ZFP3: variants seen among roughly 807,000 people sequenced by gnomAD.
ZFP3 encodes zinc finger protein 3 homolog.
Under a neutral mutation model 36.7 loss-of-function variants are expected in ZFP3, and 18 were observed. That is an observed-to-expected ratio of 0.49 (90% CI 0.34 to 0.73). The LOEUF (loss-of-function observed/expected upper bound fraction) is 0.73, where lower values mean the gene tolerates loss of function less well. ZFP3 is among the 30% of genes least tolerant of loss of function. ZFP3 has a pLI of 0.01. For synonymous variants in ZFP3, 218 were observed against 199.0 expected (o/e 1.10, Z -0.81); for missense variants, 495 against 599.0 (o/e 0.83, Z 1.81).
chr17:5,079,742 G>C (rs1369567312), intron 1 of ZFP3, among the ~76,000 whole-genome samples: 1 of 151,658 alleles, frequency 6.6e-6, no homozygotes, highest in African/African-American at 2.4e-5. Flanking sequence ...GGTCAGGGAA[G>C]AAAATGGAGG....
rs909665697 is a variant in ZFP3, at chr17:5,086,366, C to T, written c.-8-5131C>T. ...GGCAGAGAGAAGGGGAGTCCAAAGT[C>T]GCCCCCAAATCTCCACCTTTCCCCT... On this transcript the variant is annotated intron_variant, in intron 1 of 1. Transcript: ENST00000318833. Among the ~76,000 whole-genome samples the T allele has an allele frequency of 2.0e-4, 30 of 152,246 alleles. No homozygotes were observed. The South Asian group carries it at 2.5e-3, about 13-fold the overall frequency.
At chr17:5,085,268 ACTC>A (rs2072114944) in intron 1 of ZFP3, among the ~76,000 whole-genome samples, 1 of 151,378 alleles carries the variant, frequency 6.6e-6, no homozygotes, top group East Asian at 1.9e-4. Context: ...CTGGTCTCGA[ACTC>A]CTGACCTCAG....
At chr17:5,081,303 G>A (rs143202192) in intron 1 of ZFP3, among the ~76,000 whole-genome samples, 173 of 151,878 alleles carry the variant, frequency 1.1e-3, no homozygotes, top group African/African-American at 4.0e-3. Context: ...CGTGTTAGCC[G>A]TGATGTCTGT....
Position 5,093,664 on chromosome 17 carries a change from A to G in ZFP3, c.*651A>G, listed in dbSNP as rs570170681. On this transcript the variant is annotated 3_prime_UTR_variant, in exon 2 of 2. Transcript: ENST00000318833. The stretch of plus-strand genomic sequence containing the variant: ...ATTTAGTAAGCTGTTATTAGCTTCA[A>G]AGTCGTCCAGCCCTGCTATGAAGTT... 49 of 167,246 alleles carry G rather than the reference A, an allele frequency of 2.9e-4. No individual in the cohort carries two copies. The highest frequency in any genetic ancestry group is 1.1e-3 in the African/African-American group (46 of 41,580). The allele number at this position is 167,246 out of a possible 1,614,324, so 10.4% of individuals were successfully genotyped here. A position where few individuals can be genotyped will look rare whatever the true frequency, so the allele number is the denominator to read the frequency against.
rs767525629 is a variant in ZFP3, at chr17:5,091,656, CGA to C, written c.158_159del (p.Glu53ValfsTer24). The C allele has an allele frequency of 8.1e-6, 13 of 1,614,148 alleles. No homozygotes were observed. Among genetic ancestry groups the C allele is most frequent in the Non-Finnish European group, 1.1e-5 (13 of 1,180,032 alleles). ...GAAGAAGACATGTTGGAGGGACATT[CGA>C]GAGAGTCCATGGAAGAGGTTATAGA... On this transcript the variant is annotated frameshift_variant, in exon 2 of 2. Transcript: ENST00000318833. LOFTEE classifies it high-confidence loss of function.
At position 5,091,814 on chromosome 17, in the gene ZFP3, C is replaced by T. The variant is rs144756245; in HGVS notation, c.310C>T (p.His104Tyr). 2.5e-5 allele frequency: 40 copies of T among 1,614,102 alleles called. No homozygotes were observed. The highest frequency in any genetic ancestry group is 3.2e-5 in the Non-Finnish European group (38 of 1,180,060). ...GCSPSPNLVT[H>Y]QGDTTEGVSA... ...CAGTCCCAGCCCAAATCTGGTTACA[C>T]ATCAGGGAGATACAACAGAGGGAGT... Residue 104 changes from histidine (H) to tyrosine (Y), a missense_variant, in exon 2 of 2, where the codon CAT becomes TAT. Physicochemically the swap from His to Tyr is moderately conservative, Grantham distance 83. Coordinates refer to ENST00000318833, the MANE Select transcript of ZFP3 (RefSeq NM_153018.3).
chr17:5,092,764 C>T lies in ZFP3; in HGVS notation c.1260C>T (p.Pro420=). Residue 420 remains proline, a synonymous_variant, in exon 2 of 2, where the codon CCC becomes CCT. Coordinates refer to ENST00000318833, the MANE Select transcript of ZFP3 (RefSeq NM_153018.3). This position sits in a 1 kb window ranked among gnomAD's most constrained non-coding sequence, Gnocchi z 5.0. ...AGAGAATTCATACTGGAGAGAAACC[C>T]CATCAATGTAATGAGTGTGCAAGAA... The part of the protein sequence containing the change: ...VHQRIHTGEK[P]HQCNECARTF... 1 of 1,614,006 alleles carries T rather than the reference C, an allele frequency of 6.2e-7. No homozygotes were observed.
At chr17:5,087,417 G>A (rs1214822536) in intron 1 of ZFP3, among the ~76,000 whole-genome samples, 1 of 152,130 alleles carries the variant, frequency 6.6e-6, no homozygotes, top group South Asian at 2.1e-4. Context: ...CAATGCCTAA[G>A]TGACTTCTGT....
At chr17:5,090,491 T>C (rs1374854469) in intron 1 of ZFP3, among the ~76,000 whole-genome samples, 1 of 152,232 alleles carries the variant, frequency 6.6e-6, no homozygotes, top group Non-Finnish European at 1.5e-5. Context: ...CCAAAGGCGG[T>C]ACTTCTGTGC....
rs1319015783 is a variant in ZFP3 at position 5,095,790 on chromosome 17, C to G, written c.*2777C>G. 6.0e-6 allele frequency: 1 copy of G among 165,824 alleles called. No homozygotes were observed. Among genetic ancestry groups the G allele is most frequent in the East Asian group, 1.9e-4 (1 of 5,184 alleles). 10.3% of individuals were successfully genotyped at this position (165,824 alleles called of 1,614,324 possible). ...GCCTCCCCTGGCCCTAGCTCAATTA[C>G]CCTCTTAAACCCATTCCTGCTCAGC... is the stretch of plus-strand genomic sequence containing the variant. On this transcript the variant is annotated 3_prime_UTR_variant, in exon 2 of 2. Transcript: ENST00000318833.
intron 1 of ZFP3, among the ~76,000 whole-genome samples, chr17:5,083,867 TTTTCTTTTC>T (rs1056529855): frequency 6.6e-6 from 1 of 151,784 alleles, no homozygotes; most frequent in Non-Finnish European, 1.5e-5. Flanking sequence ...TTTTCTTTTC[TTTTCTTTTC>T]TTTTTTTTGA....
intron 1 of ZFP3, among the ~76,000 whole-genome samples, chr17:5,087,077 A>ATTTTTTT (rs35379036): frequency 3.9e-5 from 4 of 101,550 alleles, no homozygotes; most frequent in African/African-American, 7.8e-5. Context: ...ACTGCATTTG[A>ATTTTTTT]TTTTTTTTTT....
chr17:5,089,306 A>G (rs2072137703), intron 1 of ZFP3, among the ~76,000 whole-genome samples: 1 of 152,170 alleles, frequency 6.6e-6, no homozygotes, highest in Non-Finnish European at 1.5e-5. Context: ...CTATGCCAGT[A>G]TACTCATGGT....
chr17:5,090,871 G>A (rs2072146148), intron 1 of ZFP3, among the ~76,000 whole-genome samples: 1 of 152,028 alleles, frequency 6.6e-6, no homozygotes, highest in Non-Finnish European at 1.5e-5. Context: ...GTTTCGCCAT[G>A]TTGCCCAGGT....
intron 1 of ZFP3, among the ~76,000 whole-genome samples, chr17:5,085,897 A>G (rs2072118515): frequency 6.6e-6 from 1 of 152,216 alleles, no homozygotes; most frequent in Non-Finnish European, 1.5e-5. Context: ...AAGCAGATGG[A>G]GACTGAAATG....
rs756729806 is a variant in ZFP3 at position 5,092,062 on chromosome 17, G to A, written c.558G>A (p.Arg186=). 2 of 1,614,186 alleles carry A rather than the reference G, an allele frequency of 1.2e-6. No homozygotes were observed. Among genetic ancestry groups the A allele is most frequent in the Non-Finnish European group, 1.7e-6 (2 of 1,180,046 alleles). Residue 186 remains arginine (R), a synonymous_variant, in exon 2 of 2, where the codon CGG becomes CGA. Coordinates refer to ENST00000318833, the MANE Select transcript of ZFP3 (RefSeq NM_153018.3). This position sits in a 1 kb window ranked among gnomAD's most constrained non-coding sequence, Gnocchi z 5.0. The stretch of plus-strand genomic sequence containing the variant: ...TTGGAACTAATTCAAGCCTTCGACG[G>A]CACCTGAGAATTCATGCTGGAGAAA... ...KTFGTNSSLR[R]HLRIHAGEKP...
rs1477029754 is a variant in ZFP3 at position 5,091,745 on chromosome 17, T to C, written c.241T>C (p.Ser81Pro). 3 of 1,614,066 alleles carry C rather than the reference T, an allele frequency of 1.9e-6. No individual in the cohort carries two copies. Among genetic ancestry groups the C allele is most frequent in the Non-Finnish European group, 2.5e-6 (3 of 1,180,052 alleles). The change falls in exon 2 of 2, where the codon TCA becomes CCA. Residue 81 changes from serine (S) to proline (P), a missense_variant. Ser to Pro is a moderately conservative substitution (Grantham distance 74). This residue lies in a region of ZFP3 where 229 missense variants were observed against 233.8 expected (regional missense o/e 0.98). Coordinates refer to ENST00000318833, the MANE Select transcript of ZFP3 (RefSeq NM_153018.3). ...SGLMIFKKSP[S>P]SEKDRENNES... is the part of the protein sequence containing the mutation. ...GTTGATGATCTTTAAGAAATCACCC[T>C]CAAGTGAGAAAGACCGGGAGAATAA...
chr17:5,084,497 G>C (rs549349221), intron 1 of ZFP3, among the ~76,000 whole-genome samples: 3 of 143,706 alleles, frequency 2.1e-5, no homozygotes, highest in East Asian at 2.1e-4. Flanking sequence ...GGATGGTCTC[G>C]ATCTCCTGAC....
At chr17:5,080,754 T>C (rs534820882) in intron 1 of ZFP3, among the ~76,000 whole-genome samples, 57 of 152,034 alleles carry the variant, frequency 3.7e-4, no homozygotes, top group African/African-American at 1.1e-3. Flanking sequence ...CATCCGTATC[T>C]CACTTAGTCA....
Sources: gnomAD v4.1 joint callset for allele counts (sites outside exome capture counted in the v4.1 genomes callset) on GRCh38, gnomAD v4.1.1 for gene constraint, gnomAD v4.1.1 regional missense constraint, Gnocchi (gnomAD v3.1) non-coding constraint, MANE v1.5 for transcripts, NCBI Gene and HGNC (gene_info 2026-07-23, HGNC 2026-07-21) for gene names.